TMEM140: variants seen among roughly 807,000 people sequenced by gnomAD.
TMEM140 encodes transmembrane protein 140.
For synonymous variants in TMEM140, 107 were observed against 106.8 expected, an observed-to-expected ratio of 1.00 and a Z score of -0.01; for missense variants, 236 against 228.5, an observed-to-expected ratio of 1.03 and a Z score of -0.21.
intron 1 of TMEM140, among the ~76,000 whole-genome samples, chr7:135,159,872 G>C (rs1829883954): frequency 6.6e-6 from 1 of 152,124 alleles, no homozygotes; most frequent in Non-Finnish European, 1.5e-5. Context: ...AAGAATAAAA[G>C]ACTCAAGAAT....
Position 135,164,502 on chromosome 7 carries a change from G to A in TMEM140, c.61G>A (p.Val21Met), listed in dbSNP as rs377705250. ...QLLFMSIIVL[V>M]IVVICLMFYA... ...GCTGTTCATGAGCATCATAGTCCTC[G>A]TGATTGTGGTCATCTGCCTGATGTT... Residue 21 changes from valine to methionine, a missense_variant, in exon 2 of 2, where the codon GTG (valine) becomes ATG (methionine). Val to Met is a conservative substitution (Grantham distance 21, BLOSUM62 1). Coordinates refer to ENST00000275767, the MANE Select transcript of TMEM140 (RefSeq NM_018295.5). 10 of 1,612,902 alleles carry A rather than the reference G, an allele frequency of 6.2e-6. No individual in the cohort carries two copies. The highest frequency in any genetic ancestry group is 2.2e-5 in the South Asian group (2 of 91,064).
intron 1 of TMEM140, among the ~76,000 whole-genome samples, chr7:135,150,341 T>C (rs781758033): frequency 2.0e-5 from 3 of 152,208 alleles, no homozygotes; most frequent in Non-Finnish European, 2.9e-5. Context: ...TCACCCTGTT[T>C]ATTTCTTTCC....
At chr7:135,148,589 G>A (rs1016510010) in intron 1 of TMEM140, among the ~76,000 whole-genome samples, 29 of 152,202 alleles carry the variant, frequency 1.9e-4, no homozygotes, top group African/African-American at 6.3e-4. Flanking sequence ...TGCACGCAGT[G>A]TGTACAAGGA....
In TMEM140 at chr7:135,164,599, G is replaced by C. The variant is rs376965612; in HGVS notation, c.158G>C (p.Cys53Ser). ...CTGAGAATCGGCTTCTATAACTTCT[G>C]CCTGTGGAATGAGGACACCAGCACC... is the stretch of plus-strand genomic sequence containing the variant. ...PNLRIGFYNF[C>S]LWNEDTSTLQ... The change falls in exon 2 of 2, where the codon TGC becomes TCC. Residue 53 changes from cysteine (C) to serine (S), a missense_variant. Transcript: ENST00000275767. 5 of 1,614,134 alleles carry C rather than the reference G, an allele frequency of 3.1e-6. No individual in the cohort carries two copies. The highest frequency in any genetic ancestry group is 4.2e-6 in the Non-Finnish European group (5 of 1,180,044).
rs1428918066 is a variant in TMEM140, at chr7:135,151,764, T to C, written c.-25+3494T>C. Among the ~76,000 whole-genome samples the C allele has an allele frequency of 6.6e-6, 1 of 152,210 alleles. No individual in the cohort carries two copies. Among genetic ancestry groups the C allele is most frequent in the African/African-American group, 2.4e-5 (1 of 41,448 alleles). On this transcript the variant is annotated intron_variant, in intron 1 of 1. Coordinates refer to ENST00000275767, the MANE Select transcript of TMEM140 (RefSeq NM_018295.5). The surrounding 1 kb of genome is among the most constrained non-coding windows in gnomAD (Gnocchi z 4.3). Reference sequence around the variant, plus strand: ...GAGGATGTGAGGCTCAGGCTGGCTATGTAACTTGCCCAAGGTCATATGACT... The same window carrying C: ...GAGGATGTGAGGCTCAGGCTGGCTACGTAACTTGCCCAAGGTCATATGACT...
At chr7:135,153,852 C>T (rs114366445) in intron 1 of TMEM140, among the ~76,000 whole-genome samples, 372 of 152,262 alleles carry the variant, frequency 2.4e-3, no homozygotes, top group African/African-American at 8.6e-3. Flanking sequence ...ACCCTGGCCT[C>T]GGAGAATCAG....
In TMEM140 at chr7:135,151,457, T is replaced by G. The variant is rs937989193; in HGVS notation, c.-25+3187T>G. On this transcript the variant is annotated intron_variant, in intron 1 of 1. Transcript: ENST00000275767. The surrounding 1 kb of genome is among the most constrained non-coding windows in gnomAD (Gnocchi z 4.3). The stretch of plus-strand genomic sequence containing the variant: ...ACTGGTGGCCTCTGACAAGTAAACC[T>G]GCGCCCTTGTTCTATGCCCTGGCAA... 2.6e-5 allele frequency among the ~76,000 whole-genome samples: 4 copies of G among 152,248 alleles called. No homozygotes were observed. Among genetic ancestry groups the G allele is most frequent in the Admixed American group, 6.5e-5 (1 of 15,286 alleles).
intron 1 of TMEM140, among the ~76,000 whole-genome samples, chr7:135,162,254 A>G (rs910874632): frequency 2.6e-5 from 4 of 152,118 alleles, no homozygotes; most frequent in African/African-American, 4.8e-5. Context: ...AGGGCTGTGT[A>G]GCCTTCAGGT....
chr7:135,152,392 C>T (rs923904475), intron 1 of TMEM140, among the ~76,000 whole-genome samples: 21 of 152,238 alleles, frequency 1.4e-4, no homozygotes, highest in African/African-American at 5.1e-4. Context: ...AGAGGTAGAT[C>T]CTCATGGTGA....
intron 1 of TMEM140, among the ~76,000 whole-genome samples, chr7:135,159,576 C>A (rs1241778084): frequency 6.6e-6 from 1 of 152,240 alleles, no homozygotes; most frequent in African/African-American, 2.4e-5. Context: ...AAGTTACATG[C>A]TGACCTGGAA....
Position 135,150,600 on chromosome 7 carries a change from G to A in TMEM140, c.-25+2330G>A, listed in dbSNP as rs571449648. ...ATTGCGGAAGAGAGGGCTGGTGCGG[G>A]AAAACTAACCATTGACAGCCAAAGG... On this transcript the variant is annotated intron_variant, in intron 1 of 1. Coordinates refer to ENST00000275767, the MANE Select transcript of TMEM140 (RefSeq NM_018295.5). Among the ~76,000 whole-genome samples the A allele has an allele frequency of 4.3e-4, 65 of 152,294 alleles. 2 individuals carry two copies. In the South Asian group the frequency reaches 0.012, roughly 29 times the overall value.
At position 135,164,559 on chromosome 7, in the gene TMEM140, A is replaced by G; in HGVS notation, c.118A>G (p.Thr40Ala). 1 of 1,614,206 alleles carries G rather than the reference A, an allele frequency of 6.2e-7. No homozygotes were observed. The highest frequency in any genetic ancestry group is 8.5e-7 in the Non-Finnish European group (1 of 1,179,998). ...TCTTCTCTGGGAGGCTGGCAACCTC[A>G]CTGACCTGCCCAACCTGAGAATCGG... ...YALLWEAGNL[T>A]DLPNLRIGFY... is the part of the protein sequence containing the mutation. The change falls in exon 2 of 2, where the codon ACT (threonine) becomes GCT (alanine). Residue 40 changes from threonine (T) to alanine (A), a missense_variant. Thr to Ala is a moderately conservative substitution (Grantham distance 58). Transcript: ENST00000275767.
intron 1 of TMEM140, among the ~76,000 whole-genome samples, chr7:135,156,325 C>T (rs1368789451): frequency 6.6e-6 from 1 of 152,182 alleles, no homozygotes; most frequent in African/African-American, 2.4e-5. Flanking sequence ...TCTTCCCCCT[C>T]AGAAATACCA....
intron 1 of TMEM140, among the ~76,000 whole-genome samples, chr7:135,159,808 AACTTT>A (rs1829882886): frequency 6.6e-6 from 1 of 152,242 alleles, no homozygotes; most frequent in Non-Finnish European, 1.5e-5. Context: ...GAAAATGTTA[AACTTT>A]ACTTATTATG....
intron 1 of TMEM140, among the ~76,000 whole-genome samples, chr7:135,157,955 A>C (rs1829835674): frequency 6.6e-6 from 1 of 152,170 alleles, no homozygotes; most frequent in Non-Finnish European, 1.5e-5. Context: ...CAGCATGGTC[A>C]AGAAGCTGTA....
intron 1 of TMEM140, among the ~76,000 whole-genome samples, chr7:135,160,448 T>A (rs527878316): frequency 6.6e-6 from 1 of 152,274 alleles, no homozygotes; most frequent in East Asian, 1.9e-4. Context: ...CATGGGGAAG[T>A]AGAGAAGAGT....
At chr7:135,149,418 A>C (rs1383443784) in intron 1 of TMEM140, among the ~76,000 whole-genome samples, 1 of 152,192 alleles carries the variant, frequency 6.6e-6, no homozygotes, top group Non-Finnish European at 1.5e-5. Flanking sequence ...TTGATACATC[A>C]TAGTTTACTT....
intron 1 of TMEM140, among the ~76,000 whole-genome samples, chr7:135,154,311 A>G (rs1829734835): frequency 6.6e-6 from 1 of 152,246 alleles, no homozygotes; most frequent in South Asian, 2.1e-4. Context: ...CTAATATATG[A>G]ACTTTTAGTT....
Position 135,165,155 on chromosome 7 carries a change from A to T in TMEM140, c.*156A>T. 1 of 793,614 alleles carries T rather than the reference A, an allele frequency of 1.3e-6. No individual in the cohort carries two copies. The highest frequency in any genetic ancestry group is 2.0e-6 in the Non-Finnish European group (1 of 511,920). The allele number at this position is 793,614 out of a possible 1,614,324, so 49.2% of individuals were successfully genotyped here. The stretch of plus-strand genomic sequence containing the variant: ...CCCTGTGTCAAAGAGGCCGAGGGGC[A>T]GCAAGGGCAGCCAGGGCACCTGTGA... On this transcript the variant is annotated 3_prime_UTR_variant, in exon 2 of 2. Coordinates refer to ENST00000275767, the MANE Select transcript of TMEM140 (RefSeq NM_018295.5).
Sources: gnomAD v4.1 joint callset for allele counts (sites outside exome capture counted in the v4.1 genomes callset) on GRCh38, gnomAD v4.1.1 for gene constraint, Gnocchi (gnomAD v3.1) non-coding constraint, MANE v1.5 for transcripts, NCBI Gene and HGNC (gene_info 2026-07-23, HGNC 2026-07-21) for gene names.